Variants in NALF1 observed in about 807,000 individuals in gnomAD.
NALF1 encodes family with sequence similarity 155 member A.
A neutral mutation model predicts 48.4 loss-of-function variants in NALF1; 3 were observed. The ratio of observed to expected loss-of-function variants is 0.06; its 90% CI spans 0.03 to 0.16. NALF1 has a LOEUF of 0.16. NALF1 is among the 10% of genes least tolerant of loss of function. The probability of loss-of-function intolerance (pLI) is 1.00; values close to 1 mark genes in which losing one functional copy is unlikely to be tolerated. For synonymous variants in NALF1, 262 were observed against 245.7 expected (o/e 1.07, Z -0.62); for missense variants, 526 against 571.5 (o/e 0.92, Z 0.81).
At chr13:107,660,306 G>A (rs1277805499) in intron 1 of NALF1, among the ~76,000 whole-genome samples, 7 of 151,406 alleles carry the variant, frequency 4.6e-5, no homozygotes, top group Non-Finnish European at 1.0e-4. Flanking sequence ...GGCATGGTGT[G>A]ACCCTGTAAT....
chr13:107,263,077 G>A (rs1880965905), intron 1 of NALF1, among the ~76,000 whole-genome samples: 1 of 152,122 alleles, frequency 6.6e-6, no homozygotes, highest in Non-Finnish European at 1.5e-5. Context: ...GTCCTGGCTT[G>A]CCAGGGACTT....
intron 1 of NALF1, among the ~76,000 whole-genome samples, chr13:107,496,269 G>A (rs1211120036): frequency 2.0e-5 from 3 of 152,116 alleles, no homozygotes; most frequent in East Asian, 3.9e-4. Flanking sequence ...ATAGTATGAT[G>A]AGTTTATAGA....
chr13:107,334,214 T>A (rs544063049), intron 1 of NALF1, among the ~76,000 whole-genome samples: 1 of 152,220 alleles, frequency 6.6e-6, no homozygotes, highest in African/African-American at 2.4e-5. Context: ...AAGATTTGCA[T>A]AGAGGGACAT....
chr13:107,582,120 A>C (rs2138411168), intron 1 of NALF1, among the ~76,000 whole-genome samples: 1 of 147,136 alleles, frequency 6.8e-6, no homozygotes, highest in Middle Eastern at 3.4e-3. Flanking sequence ...ATAAAATTTC[A>C]AAAATAATGA....
intron 1 of NALF1, among the ~76,000 whole-genome samples, chr13:107,641,615 C>A (rs951684258): frequency 6.6e-6 from 1 of 151,984 alleles, no homozygotes; most frequent in Non-Finnish European, 1.5e-5. Flanking sequence ...TCAATAATAG[C>A]AACAATGGGC....
chr13:107,406,613 AATCTCT>A (rs1883903727), intron 1 of NALF1, among the ~76,000 whole-genome samples: 1 of 152,038 alleles, frequency 6.6e-6, no homozygotes, highest in Non-Finnish European at 1.5e-5. Flanking sequence ...GATTTAAGAC[AATCTCT>A]ATCTCTATTT....
intron 1 of NALF1, among the ~76,000 whole-genome samples, chr13:107,539,832 C>T (rs1349976719): frequency 6.6e-6 from 1 of 152,054 alleles, no homozygotes; most frequent in Non-Finnish European, 1.5e-5. Context: ...GACTCAAACT[C>T]AGTTCTATGA....
chr13:107,254,160 T>C (rs1880764812), intron 1 of NALF1, among the ~76,000 whole-genome samples: 1 of 151,912 alleles, frequency 6.6e-6, no homozygotes, highest in Non-Finnish European at 1.5e-5. Context: ...CATTGGACTT[T>C]TTATGCGCTC....
At position 107,834,679 on chromosome 13, in the gene NALF1, A is replaced by G. The variant is rs537402217; in HGVS notation, c.915+31003T>C. 4.6e-5 allele frequency among the ~76,000 whole-genome samples: 7 copies of G among 152,336 alleles called. No individual in the cohort carries two copies. In the East Asian group the frequency reaches 1.4e-3, roughly 29 times the overall value. On this transcript the variant is annotated intron_variant, in intron 1 of 2. Transcript: ENST00000375915. ...AAAAATAGACTCAATTTTCATTTTC[A>G]TATTCCCTGTTTAGATGATAAAGAA...
At chr13:107,762,858 A>T (rs756243381) in intron 1 of NALF1, among the ~76,000 whole-genome samples, 4 of 152,206 alleles carry the variant, frequency 2.6e-5, no homozygotes. Flanking sequence ...ATATTAAAAA[A>T]GAAAGAGAGT....
At chr13:107,548,491 A>G (rs1040826977) in intron 1 of NALF1, among the ~76,000 whole-genome samples, 3 of 151,996 alleles carry the variant, frequency 2.0e-5, no homozygotes, top group Non-Finnish European at 1.5e-5. Flanking sequence ...CAGTAATGGG[A>G]TTGCTGGGTT....
intron 1 of NALF1, among the ~76,000 whole-genome samples, chr13:107,509,331 T>G (rs1411782101): frequency 6.6e-6 from 1 of 152,164 alleles, no homozygotes; most frequent in Admixed American, 6.6e-5. Flanking sequence ...AGGCTTTAGC[T>G]CCAGGAAATT....
intron 1 of NALF1, among the ~76,000 whole-genome samples, chr13:107,703,848 G>A (rs1356860476): frequency 6.6e-6 from 1 of 151,902 alleles, no homozygotes; most frequent in African/African-American, 2.4e-5. Flanking sequence ...TTTCTTTCAT[G>A]GTTTACTCCA....
chr13:107,508,866 G>T (rs1019717322), intron 1 of NALF1, among the ~76,000 whole-genome samples: 1 of 151,696 alleles, frequency 6.6e-6, no homozygotes, highest in Non-Finnish European at 1.5e-5. Context: ...AACAACAAAA[G>T]CTGGAAAATA....
chr13:107,828,542 A>C (rs1879592243), intron 1 of NALF1, among the ~76,000 whole-genome samples: 1 of 149,418 alleles, frequency 6.7e-6, no homozygotes, highest in Non-Finnish European at 1.5e-5. Flanking sequence ...GGAAATTCAG[A>C]ATAGGTAGAG....
chr13:107,596,660 G>A (rs966536264), intron 1 of NALF1, among the ~76,000 whole-genome samples: 6 of 152,122 alleles, frequency 3.9e-5, no homozygotes, highest in East Asian at 3.9e-4. Flanking sequence ...ATCACACACC[G>A]GGGCCCTGTT....
intron 1 of NALF1, among the ~76,000 whole-genome samples, chr13:107,678,918 A>C (rs1881203772): frequency 6.6e-6 from 1 of 152,210 alleles, no homozygotes; most frequent in Non-Finnish European, 1.5e-5. Context: ...GATGAGATTT[A>C]AGTGGAGACA....
intron 1 of NALF1, among the ~76,000 whole-genome samples, chr13:107,374,998 T>G (rs1449918528): frequency 6.6e-6 from 1 of 152,214 alleles, no homozygotes; most frequent in Non-Finnish European, 1.5e-5. Context: ...TATCCTCCAC[T>G]GGTTTAAAAA....
chr13:107,798,396 C>A (rs984110585), intron 1 of NALF1, among the ~76,000 whole-genome samples: 46 of 152,246 alleles, frequency 3.0e-4, no homozygotes, highest in Admixed American at 7.8e-4. Flanking sequence ...AACAAAAATT[C>A]TCTAATATAT....
Sources: gnomAD v4.1 joint callset for allele counts (sites outside exome capture counted in the v4.1 genomes callset) on GRCh38, gnomAD v4.1.1 for gene constraint, MANE v1.5 for transcripts, NCBI Gene and HGNC (gene_info 2026-07-23, HGNC 2026-07-21) for gene names.